The following RIT2 variants were observed in gnomAD, a reference collection of about 807,000 sequenced individuals.
The protein encoded by RIT2 is GTP-binding protein Rit2.
RIT2 carries 24 observed loss-of-function variants against 23.7 expected under a neutral mutation model. That is an observed-to-expected ratio of 1.01 (90% CI 0.73 to 1.43). The LOEUF is 1.43. Ranked by LOEUF, RIT2 falls within the 40% of genes most tolerant of loss-of-function variation. The probability of loss-of-function intolerance (pLI) is 0.00; values close to 1 mark genes in which losing one functional copy is unlikely to be tolerated. For missense variants in RIT2, 236 were observed against 266.9 expected (o/e 0.88, Z 0.81); for synonymous variants, 107 against 91.1 (o/e 1.17, Z -0.99).
chr18:42,967,318 A>G (rs981662905), intron 3 of RIT2, among the ~76,000 whole-genome samples: 1 of 151,964 alleles, frequency 6.6e-6, no homozygotes, highest in African/African-American at 2.4e-5. Context: ...TTCCTGAGTC[A>G]ATACAGATAT....
At chr18:43,106,803 C>G (rs992834365) in intron 1 of RIT2, among the ~76,000 whole-genome samples, 1 of 152,118 alleles carries the variant, frequency 6.6e-6, no homozygotes, top group South Asian at 2.1e-4. Flanking sequence ...TTATAGTAGG[C>G]AGAAAGGGCA....
chr18:42,800,707 T>G (rs1053131768), intron 4 of RIT2, among the ~76,000 whole-genome samples: 6 of 151,766 alleles, frequency 4.0e-5, no homozygotes, highest in African/African-American at 2.4e-5. Flanking sequence ...TTTTTTGTAT[T>G]TTTTTAGTAG....
At chr18:43,026,596 G>GAAAGAAAGAAAT (rs1175319215) in intron 2 of RIT2, among the ~76,000 whole-genome samples, 9 of 128,292 alleles carry the variant, frequency 7.0e-5, no homozygotes, top group African/African-American at 2.5e-4. Flanking sequence ...AAGAAAGAAA[G>GAAAGAAAGAAAT]AAAGAAAGAA....
intron 3 of RIT2, among the ~76,000 whole-genome samples, chr18:42,973,321 T>G (rs1160824855): frequency 1.3e-5 from 2 of 151,852 alleles, no homozygotes; most frequent in African/African-American, 4.8e-5. Context: ...TTGTCTTATA[T>G]TGTATTAACA....
chr18:42,845,652 A>C (rs1373453891), intron 4 of RIT2, among the ~76,000 whole-genome samples: 2 of 149,662 alleles, frequency 1.3e-5, no homozygotes, highest in African/African-American at 4.9e-5. Flanking sequence ...TATAATAGAA[A>C]TATTACATAA....
At chr18:42,750,928 TAAG>T (rs977291470) in intron 4 of RIT2, among the ~76,000 whole-genome samples, 2 of 151,846 alleles carry the variant, frequency 1.3e-5, no homozygotes, top group African/African-American at 4.8e-5. Context: ...TGAATTCTAA[TAAG>T]AAGGAGGTAG....
intron 4 of RIT2, among the ~76,000 whole-genome samples, chr18:42,861,383 A>T (rs1309163566): frequency 6.6e-6 from 1 of 152,208 alleles, no homozygotes; most frequent in Admixed American, 6.5e-5. Context: ...TGATTTGAGC[A>T]GCAGCAGCAA....
intron 4 of RIT2, among the ~76,000 whole-genome samples, chr18:42,875,323 T>C (rs1181704221): frequency 1.3e-5 from 2 of 151,328 alleles, no homozygotes; most frequent in East Asian, 3.9e-4. Context: ...GCCTTCTTTC[T>C]CTCTCTCTTT....
At chr18:42,961,963 T>C (rs1246340977) in intron 3 of RIT2, among the ~76,000 whole-genome samples, 2 of 152,204 alleles carry the variant, frequency 1.3e-5, no homozygotes, top group Non-Finnish European at 2.9e-5. Flanking sequence ...GCAGATGATG[T>C]TTGGCTGCAT....
intron 4 of RIT2, among the ~76,000 whole-genome samples, chr18:42,836,396 C>A (rs1282737931): frequency 6.6e-6 from 1 of 152,000 alleles, no homozygotes; most frequent in Non-Finnish European, 1.5e-5. Context: ...AATCTGCCTC[C>A]ACTTAGGAGC....
chr18:42,883,263 G>C (rs1256597031), intron 4 of RIT2, among the ~76,000 whole-genome samples: 1 of 152,130 alleles, frequency 6.6e-6, no homozygotes, highest in Admixed American at 6.6e-5. Flanking sequence ...TTTTGTTCCT[G>C]ACAATAAAGC....
At chr18:43,018,922 C>T (rs1012588933) in intron 2 of RIT2, among the ~76,000 whole-genome samples, 1 of 151,616 alleles carries the variant, frequency 6.6e-6, no homozygotes, top group Non-Finnish European at 1.5e-5. Flanking sequence ...ATTACTACTA[C>T]AGAAAGCCAT....
chr18:42,788,893 T>C (rs952893847), intron 4 of RIT2, among the ~76,000 whole-genome samples: 2 of 152,206 alleles, frequency 1.3e-5, no homozygotes, highest in Non-Finnish European at 2.9e-5. Flanking sequence ...TGGACAACCA[T>C]GTAACATCAG....
chr18:42,857,168 A>G (rs1907209458), intron 4 of RIT2, among the ~76,000 whole-genome samples: 1 of 152,110 alleles, frequency 6.6e-6, no homozygotes, highest in Non-Finnish European at 1.5e-5. Flanking sequence ...ACTAGCATCT[A>G]GTCAGGAGAG....
At chr18:43,069,972 T>C (rs1223928080) in intron 1 of RIT2, among the ~76,000 whole-genome samples, 1 of 152,172 alleles carries the variant, frequency 6.6e-6, no homozygotes, top group Non-Finnish European at 1.5e-5. Flanking sequence ...TATTGTATCA[T>C]ATTGTAATAT....
At chr18:42,872,607 T>A (rs987981414) in intron 4 of RIT2, among the ~76,000 whole-genome samples, 1 of 152,212 alleles carries the variant, frequency 6.6e-6, no homozygotes, top group Non-Finnish European at 1.5e-5. Context: ...ACAGTTCTGT[T>A]TATTAAGTAA....
chr18:42,836,325 C>G (rs967087158), intron 4 of RIT2, among the ~76,000 whole-genome samples: 1 of 151,956 alleles, frequency 6.6e-6, no homozygotes, highest in Non-Finnish European at 1.5e-5. Flanking sequence ...TCATCAGCGG[C>G]TGAGCTAGGC....
chr18:43,077,317 A>C (rs1913049255), intron 1 of RIT2, among the ~76,000 whole-genome samples: 1 of 152,192 alleles, frequency 6.6e-6, no homozygotes. Context: ...TATTATAAAG[A>C]AATCCATCTA....
intron 2 of RIT2, among the ~76,000 whole-genome samples, chr18:43,017,546 T>C (rs1048429533): frequency 6.6e-6 from 1 of 152,068 alleles, no homozygotes; most frequent in African/African-American, 2.4e-5. Context: ...TCATTGGTTA[T>C]AGTACTATCT....
Sources: allele counts gnomAD v4.1 joint callset (sites outside exome capture counted in the v4.1 genomes callset), GRCh38; gene constraint gnomAD v4.1.1; transcripts MANE v1.5; gene names NCBI Gene and HGNC (gene_info 2026-07-23, HGNC 2026-07-21).